The following CFAP58 variants were observed in gnomAD, a reference collection of about 807,000 sequenced individuals.
CFAP58 encodes the protein cilia and flagella associated protein 58.
In CFAP58, 88 loss-of-function variants were observed where a neutral mutation model predicts 119.5. The ratio of observed to expected loss-of-function variants is 0.74; its 90% CI spans 0.62 to 0.88. The LOEUF is 0.88. Among genes scored for constraint, CFAP58 ranks in the 40% least tolerant of loss-of-function variants. The pLI is 0.00. For synonymous variants in CFAP58, 365 were observed against 366.3 expected (o/e 1.00, Z 0.04); for missense variants, 990 against 1,021.2 (o/e 0.97, Z 0.42).
At chr10:104,401,561 T>C (rs2012265945) in intron 13 of CFAP58, among the ~76,000 whole-genome samples, 1 of 152,224 alleles carries the variant, frequency 6.6e-6, no homozygotes, top group Non-Finnish European at 1.5e-5. Context: ...ATAAGAGTTC[T>C]GGTATTTTCT....
intron 4 of CFAP58, 47 bp from the exon 5 acceptor site, chr10:104,365,767 T>G: frequency 6.6e-7 from 1 of 1,514,022 alleles, no homozygotes; most frequent in Non-Finnish European, 8.9e-7. Flanking sequence ...AGACCTGCCA[T>G]GGTCAGGGCT....
intron 14 of CFAP58, among the ~76,000 whole-genome samples, chr10:104,405,155 A>G (rs2012338310): frequency 6.6e-6 from 1 of 152,188 alleles, no homozygotes; most frequent in Non-Finnish European, 1.5e-5. Context: ...ACAGCGTCCA[A>G]CCCTGCCGGG....
chr10:104,450,704 T>G lies in CFAP58; in HGVS notation c.2510+500T>G, dbSNP rs1430607095. Reference sequence around the variant, plus strand: ...TTATTTATTTATTTATTTATTTATTTATTTATTTTTGATTTTTTTTTGTAG... The same window carrying G: ...TTATTTATTTATTTATTTATTTATTGATTTATTTTTGATTTTTTTTTGTAG... On this transcript the variant is annotated intron_variant, in intron 17 of 17. Transcript: ENST00000369704. Among the ~76,000 whole-genome samples, 870 of 145,850 alleles carry G rather than the reference T, an allele frequency of 6.0e-3. 5 individuals carry two copies. Among genetic ancestry groups the G allele is most frequent in the South Asian group, 0.012 (57 of 4,716 alleles).
the CFAP58 span, among the ~76,000 whole-genome samples, chr10:104,346,633 CTTT>C: frequency 2.0e-5 from 2 of 101,102 alleles, no homozygotes; most frequent in Admixed American, 1.1e-4. Flanking sequence ...GCCATTTAGT[CTTT>C]TTTTTTTTTT....
rs1162591868 is a variant in CFAP58 at position 104,440,216 on chromosome 10, C to CATCT, written c.2257-7479_2257-7476dup. Among the ~76,000 whole-genome samples, 7 of 147,950 alleles carry CATCT rather than the reference C, an allele frequency of 4.7e-5. No homozygotes were observed. The South Asian group carries it at 9.2e-4, about 20-fold the overall frequency. ...CTCCAGAGATGACTGCTCTAGCATG[C>CATCT]ATCTATAGGTCCTTGTTTAGCTCCT... On this transcript the variant is annotated intron_variant, in intron 15 of 17. Coordinates refer to ENST00000369704, the MANE Select transcript of CFAP58 (RefSeq NM_001008723.2).
chr10:104,394,826 G>A (rs915237437), intron 11 of CFAP58, among the ~76,000 whole-genome samples: 6 of 152,190 alleles, frequency 3.9e-5, no homozygotes, highest in African/African-American at 1.4e-4. Context: ...TTTGAAACCA[G>A]AGTTTTATAG....
chr10:104,358,102 C>CATATATACACATATATGTACTT (rs2014617310), intron 1 of CFAP58, among the ~76,000 whole-genome samples: 1 of 146,328 alleles, frequency 6.8e-6, no homozygotes, highest in Non-Finnish European at 1.5e-5. Flanking sequence ...TATATATGTA[C>CATATATACACATATATGTACTT]ATATATACAC....
intron 3 of CFAP58, 112 bp from the exon 4 acceptor site, chr10:104,364,621 A>T: frequency 1.2e-6 from 1 of 858,160 alleles, no homozygotes; most frequent in Non-Finnish European, 1.8e-6. Flanking sequence ...ATGTCTGAAT[A>T]GTGTTAATCA....
chr10:104,399,483 A>G lies in CFAP58; in HGVS notation c.1798A>G (p.Lys600Glu), dbSNP rs201765691. The G allele has an allele frequency of 3.1e-6, 5 of 1,613,658 alleles. No individual in the cohort carries two copies. Among genetic ancestry groups the G allele is most frequent in the Non-Finnish European group, 3.4e-6 (4 of 1,179,752 alleles). The change falls in exon 12 of 18, where the codon AAG (lysine) becomes GAG (glutamate). Residue 600 changes from lysine to glutamate, a missense_variant. Lys to Glu is a moderately conservative substitution (Grantham distance 56). Transcript: ENST00000369704. ...AEADGERLRQ[K>E]KELDQVISER... Reference sequence around the variant, plus strand: ...GGCTGACGGGGAGAGGTTGAGACAGAAGAAGGAATTAGACCAGGTAGAGCA... The same window carrying G: ...GGCTGACGGGGAGAGGTTGAGACAGGAGAAGGAATTAGACCAGGTAGAGCA...
intron 2 of CFAP58, among the ~76,000 whole-genome samples, chr10:104,361,477 T>G (rs1334705423): frequency 1.3e-5 from 2 of 152,236 alleles, no homozygotes; most frequent in Non-Finnish European, 2.9e-5. Flanking sequence ...TTTACAAATC[T>G]TTCGAGAGGT....
At chr10:104,350,705 T>A (rs113686948), upstream of CFAP58, among the ~76,000 whole-genome samples, 366 of 152,376 alleles carry the variant, frequency 2.4e-3, 3 homozygotes, top group African/African-American at 7.7e-3. Flanking sequence ...TGATACCATC[T>A]TATTGCATTA....
chr10:104,340,785 T>C, the CFAP58 span, among the ~76,000 whole-genome samples: 1 of 152,144 alleles, frequency 6.6e-6, no homozygotes, highest in African/African-American at 2.4e-5. Flanking sequence ...ACTCAGGGAT[T>C]GGGGTTAGTA....
At chr10:104,415,055 C>G (rs1201366916) in intron 15 of CFAP58, among the ~76,000 whole-genome samples, 1 of 152,158 alleles carries the variant, frequency 6.6e-6, no homozygotes, top group Non-Finnish European at 1.5e-5. Flanking sequence ...ACACAGACCT[C>G]GTCCCAGCCT....
In CFAP58 at chr10:104,450,076, G is replaced by T; in HGVS notation, c.2382G>T (p.Leu794Phe). Residue 794 changes from leucine to phenylalanine, a missense_variant, in exon 17 of 18, where the codon TTG becomes TTT. Transcript: ENST00000369704. ...TGCTTTATTTGCCATGTTAGGTTTTGTCTTCAGAATTGAATATGTATGAAG... is the reference window on the plus strand; with the variant it reads ...TGCTTTATTTGCCATGTTAGGTTTTTTCTTCAGAATTGAATATGTATGAAG... ...LHDKKQQLKV[L>F]SSELNMYEVQ... 6.3e-7 allele frequency: 1 copy of T among 1,591,408 alleles called. No homozygotes were observed. Among genetic ancestry groups the T allele is most frequent in the Non-Finnish European group, 8.5e-7 (1 of 1,173,332 alleles).
intron 9 of CFAP58, among the ~76,000 whole-genome samples, chr10:104,384,726 A>C (rs556848726): frequency 2.1e-4 from 32 of 152,370 alleles, no homozygotes; most frequent in Non-Finnish European, 4.0e-4. Flanking sequence ...CCTGGTGCCA[A>C]GTTTCCCCTT....
At chr10:104,416,282 G>A (rs2012552451) in intron 15 of CFAP58, among the ~76,000 whole-genome samples, 1 of 152,180 alleles carries the variant, frequency 6.6e-6, no homozygotes, top group South Asian at 2.1e-4. Context: ...AACTGCCTTG[G>A]TGGAGTTCAA....
intron 15 of CFAP58, among the ~76,000 whole-genome samples, chr10:104,433,621 T>C (rs891583902): frequency 6.6e-6 from 1 of 152,212 alleles, no homozygotes; most frequent in African/African-American, 2.4e-5. Flanking sequence ...TGGAGCCCTC[T>C]CTGCTCTGAG....
chr10:104,439,876 G>C (rs1001471089), intron 15 of CFAP58, among the ~76,000 whole-genome samples: 1 of 152,276 alleles, frequency 6.6e-6, no homozygotes, highest in African/African-American at 2.4e-5. Flanking sequence ...CTGGAGTGCA[G>C]TGGCGCGATC....
intron 11 of CFAP58, among the ~76,000 whole-genome samples, chr10:104,398,558 G>A (rs1430446353): frequency 1.3e-5 from 2 of 152,298 alleles, no homozygotes; most frequent in East Asian, 1.9e-4. Flanking sequence ...ACAGTCCATA[G>A]CACCCTTTCT....
Sources: allele counts gnomAD v4.1 joint callset (sites outside exome capture counted in the v4.1 genomes callset), GRCh38; gene constraint gnomAD v4.1.1; transcripts MANE v1.5; gene names NCBI Gene and HGNC (gene_info 2026-07-23, HGNC 2026-07-21).